PTPRN2: variants seen among roughly 807,000 people sequenced by gnomAD.
The protein encoded by PTPRN2 is receptor-type tyrosine-protein phosphatase N2.
Under a neutral mutation model 118.8 loss-of-function variants are expected in PTPRN2, and 74 were observed. The observed-to-expected ratio is 0.62, with a 90% CI of 0.52 to 0.76. The LOEUF (loss-of-function observed/expected upper bound fraction) is 0.76, where lower values mean the gene tolerates loss of function less well. Ranked by LOEUF, PTPRN2 falls within the 30% of genes least tolerant of loss-of-function variation. PTPRN2 has a pLI of 0.00. For synonymous variants in PTPRN2, 641 were observed against 608.0 expected (o/e 1.05, Z -0.80); for missense variants, 1,481 against 1,394.4 (o/e 1.06, Z -0.99).
chr7:158,328,260 G>C (rs949159052), intron 2 of PTPRN2, among the ~76,000 whole-genome samples: 1 of 152,218 alleles, frequency 6.6e-6, no homozygotes, highest in South Asian at 2.1e-4. Flanking sequence ...AAGGAAGCAG[G>C]CACTGGCTCA....
chr7:157,554,554 C>T (rs150903336), intron 21 of PTPRN2, among the ~76,000 whole-genome samples: 2,557 of 152,232 alleles, frequency 0.017, 33 homozygotes, highest in Middle Eastern at 0.031. Context: ...GCATAGAAAG[C>T]TCCCTCTAGT....
chr7:158,394,058 C>G (rs377745693), intron 2 of PTPRN2, among the ~76,000 whole-genome samples: 135 of 151,122 alleles, frequency 8.9e-4, no homozygotes, highest in African/African-American at 3.0e-3. Flanking sequence ...CTCACAGATG[C>G]GTGGCCCCCC....
At chr7:158,149,373 A>T (rs1207866218) in intron 6 of PTPRN2, among the ~76,000 whole-genome samples, 1 of 152,190 alleles carries the variant, frequency 6.6e-6, no homozygotes, top group African/African-American at 2.4e-5. Flanking sequence ...ACTTAAATCT[A>T]ACCAGTGTCT....
intron 2 of PTPRN2, among the ~76,000 whole-genome samples, chr7:158,424,924 A>G (rs1815583495): frequency 6.6e-6 from 1 of 152,128 alleles, no homozygotes; most frequent in African/African-American, 2.4e-5. Context: ...GCCCACAGGC[A>G]TTAACCATCA....
intron 1 of PTPRN2, among the ~76,000 whole-genome samples, chr7:158,527,164 G>A (rs1185376056): frequency 2.0e-5 from 3 of 152,102 alleles, no homozygotes; most frequent in South Asian, 2.1e-4. Context: ...TCCCGTCCTC[G>A]GAGCAAATGC....
rs1460681092 is a variant in PTPRN2, at chr7:158,336,181, G to A, written c.164-19249C>T. 7.7e-5 allele frequency among the ~76,000 whole-genome samples: 3 copies of A among 38,726 alleles called. 1 individual carries two copies. Among genetic ancestry groups the A allele is most frequent in the Non-Finnish European group, 1.6e-4 (3 of 18,732 alleles). 25.4% of individuals were successfully genotyped at this position (38,726 alleles called of 152,430 possible). On this transcript the variant is annotated intron_variant, in intron 2 of 22. Coordinates refer to ENST00000389418, the MANE Select transcript of PTPRN2 (RefSeq NM_002847.5). ...CTCACCATAAGAGCTGTCGCCCGCA[G>A]AGGTCACTCACACCCACAATCTCAC...
chr7:157,936,351 A>G (rs1165351231), intron 11 of PTPRN2, among the ~76,000 whole-genome samples: 1 of 152,154 alleles, frequency 6.6e-6, no homozygotes, highest in African/African-American at 2.4e-5. Context: ...TTCACACGAC[A>G]TCCCAAACCA....
intron 12 of PTPRN2, among the ~76,000 whole-genome samples, chr7:157,751,996 C>G (rs904076033): frequency 9.9e-5 from 15 of 152,126 alleles, no homozygotes; most frequent in African/African-American, 3.4e-4. Flanking sequence ...TTGCGAGACT[C>G]CCATTCCGAT....
chr7:157,894,748 C>T lies in PTPRN2; in HGVS notation c.1788+3925G>A, dbSNP rs962001622. Among the ~76,000 whole-genome samples the T allele has an allele frequency of 3.3e-5, 5 of 152,274 alleles. No individual in the cohort carries two copies. The East Asian group carries it at 9.7e-4, about 29-fold the overall frequency. On this transcript the variant is annotated intron_variant, in intron 12 of 22. Transcript: ENST00000389418. The stretch of plus-strand genomic sequence containing the variant: ...GGGGACTCCACATGAAGCCCAGGAC[C>T]TTGAGGACCTGCCTCCCTCAAGATT...
intron 1 of PTPRN2, among the ~76,000 whole-genome samples, chr7:158,579,179 C>T (rs970750124): frequency 2.0e-5 from 3 of 152,158 alleles, no homozygotes; most frequent in African/African-American, 7.2e-5. Context: ...CAGGCCTCAT[C>T]CTTATTGATG....
chr7:157,642,826 A>AAAAAAAAAAAAAAAAAAAAAAAAAAAAAC (rs1804764500), intron 14 of PTPRN2, among the ~76,000 whole-genome samples: 1 of 138,368 alleles, frequency 7.2e-6, no homozygotes, highest in Non-Finnish European at 1.5e-5. Flanking sequence ...AAAAAAAAAA[A>AAAAAAAAAAAAAAAAAAAAAAAAAAAAAC]AAAAAAAAAA....
intron 1 of PTPRN2, chr7:158,537,464 G>A (rs1266458805): frequency 6.6e-6 from 1 of 152,264 alleles, no homozygotes; most frequent in Non-Finnish European, 1.5e-5. Context: ...GGGGGCTGTC[G>A]CCAGGGAGGA....
rs58919771 is a variant in PTPRN2 at position 158,365,849 on chromosome 7, C to CG, written c.164-48918_164-48917insC. On this transcript the variant is annotated intron_variant, in intron 2 of 22. Coordinates refer to ENST00000389418, the MANE Select transcript of PTPRN2 (RefSeq NM_002847.5). ...CAGTGCATGCGTGCACACACACACA[C>CG]CCACACACACACAGCATCCCTGGGA... Among the ~76,000 whole-genome samples, 3 of 123,594 alleles carry CG rather than the reference C, an allele frequency of 2.4e-5. No individual in the cohort carries two copies. The East Asian group carries it at 7.5e-4, about 31-fold the overall frequency. The allele number at this position is 123,594 out of a possible 152,430, so 81.1% of individuals were successfully genotyped here.
intron 2 of PTPRN2, among the ~76,000 whole-genome samples, chr7:158,374,558 GA>G (rs571762586): frequency 1.5e-3 from 224 of 151,958 alleles, no homozygotes; most frequent in African/African-American, 5.1e-3. Context: ...AAAAACTGAA[GA>G]AAGAAAAAAA....
chr7:158,289,883 G>A (rs762868503), intron 3 of PTPRN2, among the ~76,000 whole-genome samples: 1 of 152,216 alleles, frequency 6.6e-6, no homozygotes, highest in Non-Finnish European at 1.5e-5. Context: ...TGCTCCATAG[G>A]TAGGCTTGCT....
intron 8 of PTPRN2, 64 bp downstream of exon 8, chr7:158,136,591 A>C: frequency 6.5e-7 from 1 of 1,526,886 alleles, no homozygotes; most frequent in South Asian, 1.1e-5. Context: ...TTCCCACACC[A>C]TGAACAAAAA....
chr7:158,274,437 A>AGGAGCCGCAGACACGG (rs1435058217), intron 3 of PTPRN2, among the ~76,000 whole-genome samples: 2 of 97,796 alleles, frequency 2.0e-5, no homozygotes, highest in Non-Finnish European at 4.1e-5. Flanking sequence ...CAGACATGGG[A>AGGAGCCGCAGACACGG]GGAGCCGCAG....
chr7:158,409,842 G>A (rs556743511), intron 2 of PTPRN2, among the ~76,000 whole-genome samples: 2 of 152,304 alleles, frequency 1.3e-5, no homozygotes, highest in South Asian at 4.1e-4. Flanking sequence ...ATAAAGAGCT[G>A]AGAAGATGTG....
At chr7:157,744,985 G>T (rs1310064244) in intron 12 of PTPRN2, among the ~76,000 whole-genome samples, 1 of 152,182 alleles carries the variant, frequency 6.6e-6, no homozygotes, top group African/African-American at 2.4e-5. Flanking sequence ...TCCATGAAAT[G>T]TGGGTCCCCT....
Sources: gnomAD v4.1 joint callset for allele counts (sites outside exome capture counted in the v4.1 genomes callset) on GRCh38, gnomAD v4.1.1 for gene constraint, MANE v1.5 for transcripts, NCBI Gene and HGNC (gene_info 2026-07-23, HGNC 2026-07-21) for gene names.